The following CADM1 variants were observed in gnomAD, a reference collection of about 807,000 sequenced individuals.
CADM1 encodes the protein TSLC-1.
Under a neutral mutation model 53.1 loss-of-function variants are expected in CADM1, and 15 were observed. The ratio of observed to expected loss-of-function variants is 0.28; its 90% CI spans 0.19 to 0.44. The LOEUF is 0.44. Among genes scored for constraint, CADM1 ranks in the 20% least tolerant of loss-of-function variants. The pLI is 1.00. For missense variants in CADM1, 434 were observed against 611.3 expected (o/e 0.71, Z 3.06); for synonymous variants, 281 against 243.0 (o/e 1.16, Z -1.45).
intron 1 of CADM1, among the ~76,000 whole-genome samples, chr11:115,427,413 G>T (rs1043117351): frequency 2.0e-5 from 3 of 152,212 alleles, no homozygotes; most frequent in Non-Finnish European, 4.4e-5. Flanking sequence ...AAGACAGCAG[G>T]TGTAGAATGA....
At chr11:115,282,692 G>A (rs929579086) in intron 1 of CADM1, among the ~76,000 whole-genome samples, 1 of 152,186 alleles carries the variant, frequency 6.6e-6, no homozygotes, top group African/African-American at 2.4e-5. Context: ...CTCCATGGAG[G>A]CTGCATTTTG....
chr11:115,218,960 T>C (rs962685442), intron 5 of CADM1, among the ~76,000 whole-genome samples: 15 of 152,066 alleles, frequency 9.9e-5, no homozygotes, highest in Admixed American at 2.0e-4. Context: ...AAAATCTGAA[T>C]GTAATTAGGA....
intron 1 of CADM1, among the ~76,000 whole-genome samples, chr11:115,351,506 C>T (rs1308919153): frequency 1.3e-5 from 2 of 152,244 alleles, no homozygotes; most frequent in South Asian, 4.2e-4. Flanking sequence ...GCAAGCTGAT[C>T]TAAGAGCCCA....
At chr11:115,452,776 T>C (rs1948602638) in intron 1 of CADM1, among the ~76,000 whole-genome samples, 1 of 152,172 alleles carries the variant, frequency 6.6e-6, no homozygotes, top group African/African-American at 2.4e-5. Flanking sequence ...ATACTTTTTT[T>C]CCACCTTTTA....
intron 1 of CADM1, among the ~76,000 whole-genome samples, chr11:115,417,711 T>A (rs1000115416): frequency 4.6e-5 from 7 of 152,278 alleles, no homozygotes; most frequent in Admixed American, 1.3e-4. Flanking sequence ...GAGATTTCAT[T>A]ATGCTCCTCA....
rs1326532255 is a variant in CADM1 at position 115,190,946 on chromosome 11, C to T, written c.1112-5G>A. 1.9e-6 allele frequency: 3 copies of T among 1,587,658 alleles called. No homozygotes were observed. Among genetic ancestry groups the T allele is most frequent in the Non-Finnish European group, 8.5e-7 (1 of 1,174,246 alleles). ...AATTGGGCAACTGAGTAAGGCCTTA[C>T]AAGTAAAAACAAATCGTTTTTCTTT... is the stretch of plus-strand genomic sequence containing the variant. On this transcript the variant is annotated splice_polypyrimidine_tract_variant and splice_region_variant and intron_variant, in intron 9 of 11. Transcript: ENST00000331581.
chr11:115,367,135 G>A (rs1425017290), intron 1 of CADM1, among the ~76,000 whole-genome samples: 1 of 152,248 alleles, frequency 6.6e-6, no homozygotes, highest in African/African-American at 2.4e-5. Flanking sequence ...GATAGCATGA[G>A]CCCCGGAGTT....
At chr11:115,250,200 C>G (rs931068109) in intron 1 of CADM1, among the ~76,000 whole-genome samples, 1 of 152,150 alleles carries the variant, frequency 6.6e-6, no homozygotes, top group African/African-American at 2.4e-5. Context: ...ACTGTGCCCA[C>G]CCTTACCAGT....
chr11:115,462,609 T>G lies in CADM1; in HGVS notation c.124+41662A>C, dbSNP rs1591269772. ...CCTATTAAATATTCCACAAATAATT[T>G]ATTTTTGATGTGGAGGAGGAGGAGG... On this transcript the variant is annotated intron_variant, in intron 1 of 11. Transcript: ENST00000331581. 2.0e-5 allele frequency among the ~76,000 whole-genome samples: 3 copies of G among 152,224 alleles called. No individual in the cohort carries two copies. In the South Asian group the frequency reaches 6.2e-4, roughly 31 times the overall value.
chr11:115,483,828 C>T (rs1036946237), intron 1 of CADM1, among the ~76,000 whole-genome samples: 1 of 152,190 alleles, frequency 6.6e-6, no homozygotes, highest in African/African-American at 2.4e-5. Context: ...ACACTAGCCA[C>T]ATTTCAAGTA....
rs143056942 is a variant in CADM1, at chr11:115,477,635, T to C, written c.124+26636A>G. 2.5e-4 allele frequency among the ~76,000 whole-genome samples: 38 copies of C among 152,376 alleles called. No individual in the cohort carries two copies. The East Asian group carries it at 7.3e-3, about 29-fold the overall frequency. Reference sequence around the variant, plus strand: ...GAATAGTGATTTCTGCTCCACTCTGTGTGCTAACAAACTAAGCTTATACAT... The same window carrying C: ...GAATAGTGATTTCTGCTCCACTCTGCGTGCTAACAAACTAAGCTTATACAT... On this transcript the variant is annotated intron_variant, in intron 1 of 11. Coordinates refer to ENST00000331581, the MANE Select transcript of CADM1 (RefSeq NM_001301043.2).
chr11:115,315,950 T>A (rs990587873), intron 1 of CADM1, among the ~76,000 whole-genome samples: 10 of 152,164 alleles, frequency 6.6e-5, no homozygotes, highest in African/African-American at 2.4e-4. Context: ...TTCTGCATGC[T>A]TCTCTCCTCT....
chr11:115,215,256 G>A (rs1941130484), intron 6 of CADM1, among the ~76,000 whole-genome samples: 1 of 152,182 alleles, frequency 6.6e-6, no homozygotes, highest in African/African-American at 2.4e-5. Context: ...AAAAGGAATG[G>A]ACTTTTATAT....
intron 1 of CADM1, among the ~76,000 whole-genome samples, chr11:115,331,156 G>T (rs550012728): frequency 2.8e-4 from 42 of 152,204 alleles, no homozygotes; most frequent in Admixed American, 2.0e-3. Context: ...TGGGGATTTG[G>T]TTTTTTTGAG....
intron 1 of CADM1, among the ~76,000 whole-genome samples, chr11:115,322,752 A>G (rs1944856718): frequency 6.6e-6 from 1 of 152,120 alleles, no homozygotes; most frequent in Non-Finnish European, 1.5e-5. Context: ...ATTCTGTTTA[A>G]TGGTTGCGTA....
intron 1 of CADM1, among the ~76,000 whole-genome samples, chr11:115,277,024 G>C (rs1026345284): frequency 6.6e-6 from 1 of 152,176 alleles, no homozygotes; most frequent in African/African-American, 2.4e-5. Flanking sequence ...GCGAGCCCGA[G>C]GGCAAAATAC....
intron 1 of CADM1, among the ~76,000 whole-genome samples, chr11:115,278,529 C>A (rs950998792): frequency 1.3e-5 from 2 of 151,938 alleles, no homozygotes; most frequent in African/African-American, 4.8e-5. Flanking sequence ...AATGCCAGAG[C>A]CAGAAATAGA....
At chr11:115,501,811 G>A (rs1949732702) in intron 1 of CADM1, among the ~76,000 whole-genome samples, 1 of 152,158 alleles carries the variant, frequency 6.6e-6, no homozygotes, top group African/African-American at 2.4e-5. Flanking sequence ...AAACAGAACT[G>A]AGGAGGAAAA....
At chr11:115,190,311 C>T (rs1315486446) in intron 10 of CADM1, among the ~76,000 whole-genome samples, 1 of 152,092 alleles carries the variant, frequency 6.6e-6, no homozygotes, top group Admixed American at 6.5e-5. Context: ...AAGCATGAAA[C>T]CTACTTTTGC....
Sources: gnomAD v4.1 joint callset for allele counts (sites outside exome capture counted in the v4.1 genomes callset) on GRCh38, gnomAD v4.1.1 for gene constraint, MANE v1.5 for transcripts, NCBI Gene and HGNC (gene_info 2026-07-23, HGNC 2026-07-21) for gene names.